Variants in GRM7 observed in about 807,000 individuals in gnomAD.
GRM7 encodes metabotropic glutamate receptor 7.
A neutral mutation model predicts 84.5 loss-of-function variants in GRM7; 35 were observed. The ratio of observed to expected loss-of-function variants is 0.41; its 90% CI spans 0.32 to 0.55. The LOEUF (loss-of-function observed/expected upper bound fraction) is 0.55. Ranked by LOEUF, GRM7 falls within the 20% of genes least tolerant of loss-of-function variation. GRM7 has a pLI of 0.19. For missense variants in GRM7, 1,003 were observed against 1,194.6 expected, an observed-to-expected ratio of 0.84 and a Z score of 2.36; for synonymous variants, 487 against 455.1, an observed-to-expected ratio of 1.07 and a Z score of -0.89.
intron 2 of GRM7, among the ~76,000 whole-genome samples, chr3:7,209,902 T>C (rs533816456): frequency 6.6e-6 from 1 of 152,224 alleles, no homozygotes; most frequent in South Asian, 2.1e-4. Context: ...GAGAGGCCTG[T>C]CTCACCTCTC....
intron 7 of GRM7, among the ~76,000 whole-genome samples, chr3:7,563,093 A>G (rs930641064): frequency 3.9e-5 from 6 of 152,170 alleles, no homozygotes; most frequent in African/African-American, 1.4e-4. Context: ...AGCATGACTC[A>G]CCCCAGGTGA....
In GRM7 at chr3:7,601,527, C is replaced by A. The variant is rs140571720; in HGVS notation, c.2451+22170C>A. Among the ~76,000 whole-genome samples the A allele has an allele frequency of 1.3e-3, 191 of 152,238 alleles. 2 individuals are homozygous for A. Among genetic ancestry groups the A allele is most frequent in the Admixed American group, 3.7e-3 (57 of 15,268 alleles). On this transcript the variant is annotated intron_variant, in intron 8 of 9. Transcript: ENST00000357716. ...TTCAATCAGAGATCTGGTTACTCGA[C>A]ATAACCTTCTGAGGCTCAATGCTTA...
intron 7 of GRM7, among the ~76,000 whole-genome samples, chr3:7,469,264 T>G (rs1488840611): frequency 6.6e-6 from 1 of 152,224 alleles, no homozygotes; most frequent in Admixed American, 6.5e-5. Context: ...TTTGAGAACT[T>G]GGTTTACCAA....
intron 1 of GRM7, among the ~76,000 whole-genome samples, chr3:7,134,264 C>G (rs942798030): frequency 6.6e-6 from 1 of 152,016 alleles, no homozygotes; most frequent in African/African-American, 2.4e-5. Context: ...AACCATAAGA[C>G]AAAATTTGCA....
chr3:7,102,628 C>T lies in GRM7; in HGVS notation c.520-43824C>T, dbSNP rs78899817. On this transcript the variant is annotated intron_variant, in intron 1 of 9. Coordinates refer to ENST00000357716, the MANE Select transcript of GRM7 (RefSeq NM_000844.4). ...TGGAGAACATTTATCTAGTTTTTCT[C>T]CACATTTTTTCTACACCATTCTGTT... Among the ~76,000 whole-genome samples the T allele has an allele frequency of 7.7e-3, 1,167 of 151,794 alleles. 17 individuals are homozygous for T. The highest frequency in any genetic ancestry group is 0.027 in the African/African-American group (1,105 of 41,460).
At chr3:7,529,198 C>T (rs550056866) in intron 7 of GRM7, among the ~76,000 whole-genome samples, 55 of 152,008 alleles carry the variant, frequency 3.6e-4, no homozygotes, top group Non-Finnish European at 7.5e-4. Flanking sequence ...GTCTTATTGT[C>T]TAGAATAGTG....
At chr3:7,540,305 A>G (rs1692801908) in intron 7 of GRM7, among the ~76,000 whole-genome samples, 1 of 152,226 alleles carries the variant, frequency 6.6e-6, no homozygotes, top group African/African-American at 2.4e-5. Context: ...ATTATTTATA[A>G]TAGCCAAAGA....
chr3:7,506,758 C>A (rs973492092), intron 7 of GRM7, among the ~76,000 whole-genome samples: 2 of 152,088 alleles, frequency 1.3e-5, no homozygotes, highest in Non-Finnish European at 2.9e-5. Context: ...AAATCTATTT[C>A]CCAGATAATA....
At position 7,280,873 on chromosome 3, in the gene GRM7, G is replaced by A. The variant is rs562868012; in HGVS notation, c.737-17811G>A. ...TAAAGACCAGATAAGTAGAAATGGT[G>A]GCACTGAACAGGTATATGAAAAAGC... On this transcript the variant is annotated intron_variant, in intron 2 of 9. Transcript: ENST00000357716. Among the ~76,000 whole-genome samples the A allele has an allele frequency of 2.0e-5, 3 of 152,246 alleles. No individual in the cohort carries two copies. The South Asian group carries it at 6.2e-4, about 32-fold the overall frequency.
At chr3:7,504,648 A>G (rs1007783725) in intron 7 of GRM7, among the ~76,000 whole-genome samples, 2 of 152,212 alleles carry the variant, frequency 1.3e-5, no homozygotes, top group Admixed American at 1.3e-4. Flanking sequence ...GCTTTTTATA[A>G]TAAAGGCACT....
intron 1 of GRM7, among the ~76,000 whole-genome samples, chr3:7,054,295 G>A (rs1264099774): frequency 6.8e-6 from 1 of 148,038 alleles, no homozygotes; most frequent in Admixed American, 6.8e-5. Context: ...TAAAAGATAA[G>A]ATTAAAATAT....
At chr3:7,575,147 T>C (rs1260981963) in intron 7 of GRM7, among the ~76,000 whole-genome samples, 2 of 152,186 alleles carry the variant, frequency 1.3e-5, no homozygotes, top group Non-Finnish European at 2.9e-5. Context: ...TGCTATGAGA[T>C]GGAGATGTAA....
At chr3:7,684,037 G>A (rs1700481532) in intron 9 of GRM7, among the ~76,000 whole-genome samples, 1 of 152,072 alleles carries the variant, frequency 6.6e-6, no homozygotes, top group Admixed American at 6.6e-5. Context: ...TAACATCATA[G>A]ACAGCAATGA....
chr3:7,676,903 C>A (rs1236907438), intron 8 of GRM7, among the ~76,000 whole-genome samples: 2 of 152,008 alleles, frequency 1.3e-5, no homozygotes, highest in African/African-American at 4.8e-5. Flanking sequence ...TGCACAATAA[C>A]AAATTACCTA....
At chr3:7,139,733 G>T (rs1693884941) in intron 1 of GRM7, among the ~76,000 whole-genome samples, 1 of 151,926 alleles carries the variant, frequency 6.6e-6, no homozygotes, top group African/African-American at 2.4e-5. Flanking sequence ...GTTTAGAAAA[G>T]AAAAACTCCT....
At position 7,027,475 on chromosome 3, in the gene GRM7, G is replaced by A. The variant is rs563905869; in HGVS notation, c.520-118977G>A. ...ATTGTACATTTTGATTACATCCAAC[G>A]AGCTTACTCATTTATGTCATTTCAT... On this transcript the variant is annotated intron_variant, in intron 1 of 9. Coordinates refer to ENST00000357716, the MANE Select transcript of GRM7 (RefSeq NM_000844.4). Among the ~76,000 whole-genome samples, 9 of 152,188 alleles carry A rather than the reference G, an allele frequency of 5.9e-5. No homozygotes were observed. In the South Asian group the frequency reaches 1.7e-3, roughly 28 times the overall value.
chr3:7,458,950 G>C (rs550759099), intron 6 of GRM7, among the ~76,000 whole-genome samples: 1 of 152,058 alleles, frequency 6.6e-6, no homozygotes. Context: ...TTATATGCTC[G>C]CAAGACTTGT....
rs893668874 is a variant in GRM7 at position 6,862,264 on chromosome 3, G to A, written c.519+357G>A. Among the ~76,000 whole-genome samples the A allele has an allele frequency of 3.9e-5, 6 of 152,064 alleles. No homozygotes were observed. Among genetic ancestry groups the A allele is most frequent in the African/African-American group, 1.2e-4 (5 of 41,418 alleles). On this transcript the variant is annotated intron_variant, in intron 1 of 9. Transcript: ENST00000357716. The surrounding 1 kb of genome is among the most constrained non-coding windows in gnomAD (Gnocchi z 5.2). ...AAGTGCCAGGCTCCTAGGAGAGCTG[G>A]TTAGGAGAATGGAATAGGAAAGATG...
At chr3:7,264,998 G>C (rs1465124792) in intron 2 of GRM7, among the ~76,000 whole-genome samples, 1 of 152,206 alleles carries the variant, frequency 6.6e-6, no homozygotes, top group Non-Finnish European at 1.5e-5. Context: ...GTATTTACCA[G>C]TTGGTAGAAG....
Sources: allele counts gnomAD v4.1 joint callset (sites outside exome capture counted in the v4.1 genomes callset), GRCh38; gene constraint gnomAD v4.1.1; non-coding constraint Gnocchi (gnomAD v3.1); transcripts MANE v1.5; gene names NCBI Gene and HGNC (gene_info 2026-07-23, HGNC 2026-07-21).